PLD4: variants seen among roughly 807,000 people sequenced by gnomAD.
The protein encoded by PLD4 is 5'-3' exonuclease PLD4.
A neutral mutation model predicts 52.3 loss-of-function variants in PLD4; 54 were observed. The ratio of observed to expected loss-of-function variants is 1.03; its 90% confidence interval spans 0.83 to 1.30. PLD4 has a LOEUF of 1.30. Among genes scored for constraint, PLD4 ranks in the 50% most tolerant of loss-of-function variants. PLD4 has a pLI of 0.00. For synonymous variants in PLD4, 264 were observed against 286.5 expected, an observed-to-expected ratio of 0.92 and a Z score of 0.79; for missense variants, 731 against 671.1, an observed-to-expected ratio of 1.09 and a Z score of -0.99.
downstream of PLD4, chr14:104,936,165 C>T (rs1265252434): frequency 1.3e-5 from 2 of 152,226 alleles, no homozygotes; most frequent in Admixed American, 6.5e-5. Flanking sequence ...ACCAAGGTCC[C>T]CACTATCCCA....
chr14:104,925,181 A>T (rs1381268633), intron 1 of PLD4, among the ~76,000 whole-genome samples, 191 bp downstream of exon 1: 1 of 152,234 alleles, frequency 6.6e-6, no homozygotes, highest in Admixed American at 6.5e-5. Context: ...CTGGCTCTCC[A>T]GCCAGGTGAC....
Position 104,932,343 on chromosome 14 carries a change from G to A in PLD4, c.1309G>A (p.Ala437Thr). Residue 437 changes from alanine (A) to threonine (T), a missense_variant, in exon 10 of 11, where the codon GCA becomes ACA. Transcript: ENST00000392593. The surrounding 1 kb of genome is among the most constrained non-coding windows in gnomAD (Gnocchi z 6.5). ...CAGCAAGTTCATGGTCACGGAGAAG[G>A]CAGCCTACATAGGTGAGCGCGATCA... is the stretch of plus-strand genomic sequence containing the variant. ...NHSKFMVTEKAAYIGTSNWSE... is the reference protein window; with the variant it reads ...NHSKFMVTEKTAYIGTSNWSE... 2 of 1,612,638 alleles carry A rather than the reference G, an allele frequency of 1.2e-6. No homozygotes were observed. Among genetic ancestry groups the A allele is most frequent in the East Asian group, 2.2e-5 (1 of 44,870 alleles).
rs753165003 is a variant in PLD4, at chr14:104,932,479, G to T, written c.1321+124G>T. ...GGGGCTGCTGCTGAAGGGGGACGGG[G>T]TCTCCATGGAGTTCCGGGGACCAGG... On this transcript the variant is annotated intron_variant, in intron 10 of 10. Coordinates refer to ENST00000392593, the MANE Select transcript of PLD4 (RefSeq NM_138790.5). This position sits in a 1 kb window ranked among gnomAD's most constrained non-coding sequence, Gnocchi z 6.5. The T allele has an allele frequency of 8.8e-7, 1 of 1,135,120 alleles. No homozygotes were observed. The highest frequency in any genetic ancestry group is 1.5e-5 in the South Asian group (1 of 68,358). The allele number at this position is 1,135,120 out of a possible 1,614,324, so 70.3% of individuals were successfully genotyped here.
rs1043588034 is a variant in PLD4 at position 104,932,651 on chromosome 14, T to C, written c.1322-114T>C. ...TTCCCCGGCTGGAGTCTGATGACAG[T>C]GGAGGGGCCAGCTGCCAACCGTCCC... On this transcript the variant is annotated intron_variant, in intron 10 of 10. Transcript: ENST00000392593. The surrounding 1 kb of genome is among the most constrained non-coding windows in gnomAD (Gnocchi z 6.5). 31 of 1,119,760 alleles carry C rather than the reference T, an allele frequency of 2.8e-5. No individual in the cohort carries two copies. The highest frequency in any genetic ancestry group is 2.4e-5 in the Non-Finnish European group (19 of 799,586). The allele number at this position is 1,119,760 out of a possible 1,614,324, so 69.4% of individuals were successfully genotyped here.
Position 104,928,807 on chromosome 14 carries a change from G to T in PLD4, c.343G>T (p.Ala115Ser). 1.9e-6 allele frequency: 3 copies of T among 1,611,058 alleles called. No individual in the cohort carries two copies. Among genetic ancestry groups the T allele is most frequent in the Non-Finnish European group, 2.5e-6 (3 of 1,178,638 alleles). ...DLPSAAGSPS[A>S]QPLGQAWLQL... ...GCCATCTGCAGCCGGCAGCCCCTCT[G>T]CCCAGCCTCTGGGCCAGGCCTGGCT... The change falls in exon 4 of 11, where the codon GCC (alanine) becomes TCC (serine). Residue 115 changes from alanine to serine, a missense_variant. Coordinates refer to ENST00000392593, the MANE Select transcript of PLD4 (RefSeq NM_138790.5).
rs1897616552 is a variant in PLD4, at chr14:104,930,790, G to C, written c.766G>C (p.Asp256His). 2.5e-6 allele frequency: 4 copies of C among 1,613,340 alleles called. No individual in the cohort carries two copies. The highest frequency in any genetic ancestry group is 2.2e-5 in the South Asian group (2 of 91,092). Residue 256 changes from aspartate to histidine, a missense_variant, in exon 7 of 11, where the codon GAC becomes CAC. Asp to His is a moderately conservative substitution (Grantham distance 81, BLOSUM62 -1). Transcript: ENST00000392593. Reference sequence around the variant, plus strand: ...CTATAACTGCAGCCACCTGGCCCAAGACCTGGAGAAGACCTTCCAGACCTA... The same window carrying C: ...CTATAACTGCAGCCACCTGGCCCAACACCTGGAGAAGACCTTCCAGACCTA... Reference protein sequence around the residue: ...VIYNCSHLAQDLEKTFQTYWV... With the variant: ...VIYNCSHLAQHLEKTFQTYWV...
intron 1 of PLD4, among the ~76,000 whole-genome samples, chr14:104,925,331 C>G (rs1045475248): frequency 3.9e-5 from 6 of 152,340 alleles, no homozygotes; most frequent in Admixed American, 2.0e-4. Flanking sequence ...GGCTACAGCC[C>G]TACTCTGCAG....
At position 104,929,421 on chromosome 14, in the gene PLD4, G is replaced by A. The variant is rs776003938; in HGVS notation, c.583G>A (p.Ala195Thr). ...RTSTDLQVLA[A>T]RGAHVRQVPM... ...ATCCACCGACCTGCAGGTTCTGGCT[G>A]CCCGAGGTGGGTACCTGCACCATGC... is the stretch of plus-strand genomic sequence containing the variant. The change falls in exon 5 of 11, where the codon GCC becomes ACC. Residue 195 changes from alanine to threonine, a missense_variant. Transcript: ENST00000392593. 33 of 1,555,868 alleles carry A rather than the reference G, an allele frequency of 2.1e-5. No individual in the cohort carries two copies. The highest frequency in any genetic ancestry group is 7.8e-6 in the Non-Finnish European group (9 of 1,149,962).
In PLD4 at chr14:104,929,098, G is replaced by A. The variant is rs371407525; in HGVS notation, c.468+166G>A. On this transcript the variant is annotated intron_variant, in intron 4 of 10. Coordinates refer to ENST00000392593, the MANE Select transcript of PLD4 (RefSeq NM_138790.5). ...CTCCTTTGGGGGCTCTAACAGCAGA[G>A]GTGTCAAGGAGCTGGGCCTCTGGGT... is the stretch of plus-strand genomic sequence containing the variant. 2.5e-6 allele frequency: 3 copies of A among 1,180,152 alleles called. No homozygotes were observed. The African/African-American group carries it at 4.6e-5, about 18-fold the overall frequency. The allele number at this position is 1,180,152 out of a possible 1,614,324, so 73.1% of individuals were successfully genotyped here.
intron 6 of PLD4, 41 bp from the exon 7 acceptor site, chr14:104,930,683 GGGGTGGAGGCCCCACAGA>G (rs1202391238): frequency 9.5e-6 from 15 of 1,573,870 alleles, no homozygotes; most frequent in Admixed American, 5.0e-5. Context: ...TGGGTGGAGT[GGGGTGGAGGCCCCACAGA>G]GGGGTTTTTC....
At chr14:104,936,218 G>A (rs902895964), downstream of PLD4, 2 of 152,184 alleles carry the variant, frequency 1.3e-5, no homozygotes, top group African/African-American at 4.8e-5. Flanking sequence ...GCCCCATGGA[G>A]CCAAGCAGAC....
In PLD4 at chr14:104,932,778, G is replaced by C. The variant is rs1311023852; in HGVS notation, c.1335G>C (p.Trp445Cys). ...EKAAYIGTSNWSEDYFSSTAG... is the reference protein window; with the variant it reads ...EKAAYIGTSNCSEDYFSSTAG... ...TCCTCCCCGCAGGCACCTCCAACTG[G>C]TCGGAGGATTACTTCAGCAGCACGG... Residue 445 changes from tryptophan (W) to cysteine (C), a missense_variant, in exon 11 of 11, where the codon TGG becomes TGC. Trp to Cys is a radical substitution (Grantham distance 215). Transcript: ENST00000392593. The surrounding 1 kb of genome is among the most constrained non-coding windows in gnomAD (Gnocchi z 6.5). The C allele has an allele frequency of 1.3e-6, 2 of 1,584,762 alleles. No homozygotes were observed. The highest frequency in any genetic ancestry group is 1.7e-5 in the Admixed American group (1 of 57,868).
intron 5 of PLD4, 29 bp from the exon 6 acceptor site, chr14:104,929,949 T>G: frequency 6.2e-7 from 1 of 1,612,378 alleles, no homozygotes; most frequent in South Asian, 1.1e-5. Context: ...CAAGACCTAG[T>G]TCATCCCATT....
At position 104,932,440 on chromosome 14, in the gene PLD4, C is replaced by T. The variant is rs1255458431; in HGVS notation, c.1321+85C>T. 8 of 1,448,090 alleles carry T rather than the reference C, an allele frequency of 5.5e-6. No homozygotes were observed. Among genetic ancestry groups the T allele is most frequent in the Non-Finnish European group, 6.7e-6 (7 of 1,040,506 alleles). 89.7% of individuals were successfully genotyped at this position (1,448,090 alleles called of 1,614,324 possible). A position where few individuals can be genotyped will look rare whatever the true frequency, so the allele number is the denominator to read the frequency against. On this transcript the variant is annotated intron_variant, in intron 10 of 10. Transcript: ENST00000392593. This position sits in a 1 kb window ranked among gnomAD's most constrained non-coding sequence, Gnocchi z 6.5. The stretch of plus-strand genomic sequence containing the variant: ...GCACTGGCTTTGTGACCGGCGTGGA[C>T]ACCTCAGGAGGGAGGGGCTGCTGCT...
In PLD4 at chr14:104,932,511, G is replaced by C. The variant is rs1436481320; in HGVS notation, c.1321+156G>C. Among the ~76,000 whole-genome samples the C allele has an allele frequency of 6.6e-6, 1 of 152,222 alleles. No homozygotes were observed. The highest frequency in any genetic ancestry group is 2.4e-5 in the African/African-American group (1 of 41,456). On this transcript the variant is annotated intron_variant, in intron 10 of 10. Coordinates refer to ENST00000392593, the MANE Select transcript of PLD4 (RefSeq NM_138790.5). This position sits in a 1 kb window ranked among gnomAD's most constrained non-coding sequence, Gnocchi z 6.5. ...TGGAGTTCCGGGGACCAGGCCACCC[G>C]CCTGTCACCTGGCCCCACAGGGCCC...
intron 5 of PLD4, 83 bp downstream of exon 5, chr14:104,929,510 A>C (rs1897571926): frequency 6.8e-7 from 1 of 1,467,136 alleles, no homozygotes; most frequent in Non-Finnish European, 9.0e-7. Flanking sequence ...CAAGGAAAAG[A>C]AGTGAGGGTG....
Position 104,930,876 on chromosome 14 carries a change from T to C in PLD4, c.852T>C (p.Ser284=). 1.9e-6 allele frequency: 3 copies of C among 1,613,530 alleles called. No homozygotes were observed. The highest frequency in any genetic ancestry group is 2.5e-6 in the Non-Finnish European group (3 of 1,180,024). ...LPKTWPQNFS[S]HFNRFQPFHG... ...AAACCTGGCCTCAGAACTTCTCATC[T>C]CACTTCAACCGTTTCCAGCCCTTCC... Residue 284 remains serine (S), a synonymous_variant, in exon 7 of 11, where the codon TCT becomes TCC. Transcript: ENST00000392593.
Position 104,930,807 on chromosome 14 carries a change from C to G in PLD4, c.783C>G (p.Phe261Leu). 1 of 1,613,546 alleles carries G rather than the reference C, an allele frequency of 6.2e-7. No individual in the cohort carries two copies. Among genetic ancestry groups the G allele is most frequent in the Non-Finnish European group, 8.5e-7 (1 of 1,180,022 alleles). ...SHLAQDLEKTFQTYWVLGVPK... is the reference protein window; with the variant it reads ...SHLAQDLEKTLQTYWVLGVPK... ...TGGCCCAAGACCTGGAGAAGACCTT[C>G]CAGACCTACTGGGTACTGGGGGTGC... Residue 261 changes from phenylalanine to leucine, a missense_variant, in exon 7 of 11, where the codon TTC becomes TTG. Phe to Leu is a conservative substitution (Grantham distance 22, BLOSUM62 0). Transcript: ENST00000392593.
In PLD4 at chr14:104,927,728, G is replaced by A. The variant is rs763221506; in HGVS notation, c.146G>A (p.Cys49Tyr). 26 of 1,597,686 alleles carry A rather than the reference G, an allele frequency of 1.6e-5. No homozygotes were observed. Among genetic ancestry groups the A allele is most frequent in the Non-Finnish European group, 2.0e-5 (24 of 1,175,976 alleles). ...VLWLGSVALI[C>Y]LLWQVPRPPT... ...TGGCTGGGCTCCGTGGCTCTTATCT[G>A]CCTCCTGTGGCAAGTGCCCCGTCCT... The change falls in exon 3 of 11, where the codon TGC (cysteine) becomes TAC (tyrosine). Residue 49 changes from cysteine to tyrosine, a missense_variant. By Grantham distance (194) the Cys-to-Tyr change is radical. Transcript: ENST00000392593.
Sources: gnomAD v4.1 joint callset for allele counts (sites outside exome capture counted in the v4.1 genomes callset) on GRCh38, gnomAD v4.1.1 for gene constraint, Gnocchi (gnomAD v3.1) non-coding constraint, MANE v1.5 for transcripts, NCBI Gene and HGNC (gene_info 2026-07-23, HGNC 2026-07-21) for gene names.